ARL15: variants seen among roughly 807,000 people sequenced by gnomAD.
ARL15 encodes ADP-ribosylation factor-like protein 15.
Under a neutral mutation model 25.2 loss-of-function variants are expected in ARL15, and 19 were observed. The ratio of observed to expected loss-of-function variants is 0.75; its 90% CI spans 0.53 to 1.10. The LOEUF is 1.10. Ranked by LOEUF, ARL15 falls within the 50% of genes least tolerant of loss-of-function variation. ARL15 has a pLI of 0.00. For synonymous variants in ARL15, 94 were observed against 86.8 expected (o/e 1.08, Z -0.46); for missense variants, 220 against 246.0 (o/e 0.89, Z 0.71).
At chr5:54,114,303 C>G (rs367920452) in intron 3 of ARL15, among the ~76,000 whole-genome samples, 19 of 149,116 alleles carry the variant, frequency 1.3e-4, no homozygotes, top group African/African-American at 4.4e-4. Flanking sequence ...GAAGCTAAGG[C>G]TGAGGCAGGA....
intron 3 of ARL15, among the ~76,000 whole-genome samples, chr5:54,131,931 G>A (rs1255601124): frequency 6.6e-6 from 1 of 151,866 alleles, no homozygotes; most frequent in Admixed American, 6.6e-5. Context: ...TAGCCAATAT[G>A]ATAAGGCAGA....
chr5:54,170,934 T>C (rs1754696461), intron 2 of ARL15, among the ~76,000 whole-genome samples: 1 of 152,170 alleles, frequency 6.6e-6, no homozygotes, highest in Non-Finnish European at 1.5e-5. Flanking sequence ...ATCTCACCCT[T>C]CTCCTTCCTT....
intron 1 of ARL15, among the ~76,000 whole-genome samples, chr5:54,253,713 C>T (rs915182230): frequency 3.3e-5 from 5 of 152,070 alleles, no homozygotes; most frequent in Admixed American, 3.3e-4. Context: ...ACCTCAGCCT[C>T]CCAAGTAGTT....
chr5:54,243,677 G>A (rs922121728), intron 1 of ARL15, among the ~76,000 whole-genome samples: 1 of 152,204 alleles, frequency 6.6e-6, no homozygotes, highest in Non-Finnish European at 1.5e-5. Context: ...ACCAAAGGGG[G>A]CAGCAGTCAC....
At chr5:54,296,500 G>A (rs1361624281) in intron 1 of ARL15, among the ~76,000 whole-genome samples, 1 of 152,230 alleles carries the variant, frequency 6.6e-6, no homozygotes, top group Non-Finnish European at 1.5e-5. Flanking sequence ...CAGCATCTCA[G>A]TCCAATCAAA....
At chr5:54,267,376 C>A (rs1346426621) in intron 1 of ARL15, among the ~76,000 whole-genome samples, 8 of 152,202 alleles carry the variant, frequency 5.3e-5, no homozygotes, top group Non-Finnish European at 1.0e-4. Flanking sequence ...CAGGCATGAG[C>A]CACCGCGCCT....
chr5:54,135,840 T>C (rs17404688), intron 3 of ARL15, among the ~76,000 whole-genome samples: 15,735 of 152,162 alleles, frequency 0.1, 1,027 homozygotes, highest in Non-Finnish European at 0.15. Flanking sequence ...TGCTGGAAGG[T>C]AGAATGCTAT....
intron 4 of ARL15, among the ~76,000 whole-genome samples, chr5:53,943,451 C>A (rs1413025833): frequency 6.6e-6 from 1 of 152,028 alleles, no homozygotes; most frequent in Non-Finnish European, 1.5e-5. Context: ...AAGTGACCAG[C>A]TAAGATTACT....
intron 1 of ARL15, among the ~76,000 whole-genome samples, chr5:54,245,832 C>A (rs1757074198): frequency 6.6e-6 from 1 of 152,162 alleles, no homozygotes; most frequent in Admixed American, 6.5e-5. Flanking sequence ...AAGTGATCCA[C>A]CCACCTCGGC....
At chr5:54,221,849 ACACACACACACACACAC>A (rs1226500844) in intron 1 of ARL15, among the ~76,000 whole-genome samples, 1 of 151,690 alleles carries the variant, frequency 6.6e-6, no homozygotes, top group African/African-American at 2.4e-5. Flanking sequence ...ACACACACAC[ACACACACACACACACAC>A]ACACAAAACC....
At chr5:54,218,986 T>G (rs982132248) in intron 1 of ARL15, among the ~76,000 whole-genome samples, 1 of 27,868 alleles carries the variant, frequency 3.6e-5, no homozygotes, top group African/African-American at 1.0e-4. Context: ...GCTACTGCTG[T>G]TTTTTTTTTT....
intron 1 of ARL15, among the ~76,000 whole-genome samples, chr5:54,180,888 G>A (rs576370853): frequency 2.0e-4 from 30 of 152,306 alleles, no homozygotes; most frequent in African/African-American, 5.8e-4. Flanking sequence ...TTGGCCTCAC[G>A]GCTTTGCAGA....
chr5:54,309,164 G>A (rs763187115), intron 1 of ARL15, among the ~76,000 whole-genome samples: 8 of 152,178 alleles, frequency 5.3e-5, no homozygotes, highest in Non-Finnish European at 1.0e-4. Context: ...AAAGATAAAG[G>A]AAGTTACTGC....
At chr5:53,981,048 C>A (rs1748101420) in intron 4 of ARL15, among the ~76,000 whole-genome samples, 1 of 152,102 alleles carries the variant, frequency 6.6e-6, no homozygotes, top group African/African-American at 2.4e-5. Context: ...ACTGAAGGAA[C>A]CCGACTGCAC....
At chr5:54,284,783 C>T (rs1483963835) in intron 1 of ARL15, among the ~76,000 whole-genome samples, 1 of 152,088 alleles carries the variant, frequency 6.6e-6, no homozygotes, top group African/African-American at 2.4e-5. Context: ...CTTGAACATC[C>T]GACCTCAGGC....
intron 1 of ARL15, among the ~76,000 whole-genome samples, chr5:54,271,177 T>C (rs897765660): frequency 6.6e-6 from 1 of 152,176 alleles, no homozygotes; most frequent in Non-Finnish European, 1.5e-5. Flanking sequence ...CAGCATCCCA[T>C]GGTCTCCAGC....
intron 1 of ARL15, among the ~76,000 whole-genome samples, chr5:54,266,507 G>C (rs1028174427): frequency 6.6e-6 from 1 of 152,098 alleles, no homozygotes; most frequent in African/African-American, 2.4e-5. Flanking sequence ...CCAGAAACCG[G>C]AAAAATCTAT....
chr5:54,292,604 T>C (rs867489215), intron 1 of ARL15, among the ~76,000 whole-genome samples: 18 of 152,226 alleles, frequency 1.2e-4, no homozygotes, highest in Admixed American at 2.6e-4. Flanking sequence ...ATTAAGATAG[T>C]GAATAATGTC....
At chr5:54,290,243 A>G (rs980583189) in intron 1 of ARL15, among the ~76,000 whole-genome samples, 19 of 152,074 alleles carry the variant, frequency 1.2e-4, no homozygotes, top group African/African-American at 4.6e-4. Flanking sequence ...GCAATGCGAC[A>G]TGTTTAAACT....
Sources: gnomAD v4.1 joint callset for allele counts (sites outside exome capture counted in the v4.1 genomes callset) on GRCh38, gnomAD v4.1.1 for gene constraint, MANE v1.5 for transcripts, NCBI Gene and HGNC (gene_info 2026-07-23, HGNC 2026-07-21) for gene names.